The following RIMS1 variants were observed in gnomAD, a reference collection of about 807,000 sequenced individuals.
RIMS1 encodes regulating synaptic membrane exocytosis 1, also known as regulating synaptic membrane exocytosis protein 1.
Under a neutral mutation model 214.1 loss-of-function variants are expected in RIMS1, and 83 were observed. The ratio of observed to expected loss-of-function variants is 0.39; its 90% CI spans 0.32 to 0.47. RIMS1 has a LOEUF of 0.47. Ranked by LOEUF, RIMS1 falls within the 20% of genes least tolerant of loss-of-function variation. The pLI is 0.99. For synonymous variants in RIMS1, 793 were observed against 786.8 expected (o/e 1.01, Z -0.13); for missense variants, 2,050 against 2,161.8 (o/e 0.95, Z 1.03).
chr6:72,069,720 T>A (rs1052076455), intron 2 of RIMS1, among the ~76,000 whole-genome samples: 2 of 152,224 alleles, frequency 1.3e-5, no homozygotes, highest in Admixed American at 6.5e-5. Flanking sequence ...TTACAGTATC[T>A]TTGAGCGTAG....
rs528540151 is a variant in RIMS1 at position 72,117,542 on chromosome 6, T to C, written c.471+17556T>C. ...CAAGATAGACCAAAACAAGTCTAAATAAATTTAAGAAAATTGAAATCATAT... is the reference window on the plus strand; with the variant it reads ...CAAGATAGACCAAAACAAGTCTAAACAAATTTAAGAAAATTGAAATCATAT... On this transcript the variant is annotated intron_variant, in intron 4 of 33. Transcript: ENST00000521978. 2.6e-5 allele frequency among the ~76,000 whole-genome samples: 4 copies of C among 152,074 alleles called. No individual in the cohort carries two copies. In the South Asian group the frequency reaches 8.3e-4, roughly 32 times the overall value.
At chr6:71,973,947 C>G (rs1796526158) in intron 2 of RIMS1, among the ~76,000 whole-genome samples, 1 of 151,518 alleles carries the variant, frequency 6.6e-6, no homozygotes, top group African/African-American at 2.4e-5. Context: ...GTAGATAGAG[C>G]AAGGGGGCAC....
intron 2 of RIMS1, among the ~76,000 whole-genome samples, chr6:72,060,897 A>T (rs988627621): frequency 6.6e-6 from 1 of 152,048 alleles, no homozygotes; most frequent in Admixed American, 6.5e-5. Context: ...ACGTTTCCTT[A>T]TATTTATTTG....
intron 31 of RIMS1, among the ~76,000 whole-genome samples, chr6:72,396,644 A>G (rs2098781708): frequency 6.6e-6 from 1 of 152,230 alleles, no homozygotes; most frequent in South Asian, 2.1e-4. Context: ...CCTAGATCTC[A>G]ACACATCAAC....
In RIMS1 at chr6:72,182,962, G is replaced by A. The variant is rs1047425908; in HGVS notation, c.1491G>A (p.Arg497=). The change falls in exon 6 of 34, where the codon CGG becomes CGA. Residue 497 remains arginine, a synonymous_variant. Transcript: ENST00000521978. ...GCGAGAAGGTGGAGACCATGCTGCG[G>A]AACGACTCTTTGAGCTCAGACCAGT... The part of the protein sequence containing the change: ...AKREKVETML[R]NDSLSSDQSE... 6 of 1,593,564 alleles carry A rather than the reference G, an allele frequency of 3.8e-6. No homozygotes were observed. Among genetic ancestry groups the A allele is most frequent in the Non-Finnish European group, 4.3e-6 (5 of 1,171,196 alleles).
intron 6 of RIMS1, among the ~76,000 whole-genome samples, chr6:72,227,834 TTAA>T (rs1201289952): frequency 1.1e-4 from 16 of 151,990 alleles, no homozygotes; most frequent in African/African-American, 3.6e-4. Flanking sequence ...ATGAATCAAC[TTAA>T]TAATACTTCA....
At chr6:72,009,018 T>A (rs889628942) in intron 2 of RIMS1, among the ~76,000 whole-genome samples, 1 of 152,200 alleles carries the variant, frequency 6.6e-6, no homozygotes, top group Non-Finnish European at 1.5e-5. Flanking sequence ...CAACAGAATA[T>A]ACATTCTTCT....
intron 2 of RIMS1, among the ~76,000 whole-genome samples, chr6:72,085,189 T>C (rs1293703323): frequency 1.3e-5 from 2 of 152,174 alleles, no homozygotes; most frequent in African/African-American, 4.8e-5. Flanking sequence ...GAAAAAAGTA[T>C]ACTCATTTTA....
At chr6:72,315,144 T>C (rs944439621) in intron 28 of RIMS1, among the ~76,000 whole-genome samples, 1 of 152,156 alleles carries the variant, frequency 6.6e-6, no homozygotes, top group East Asian at 1.9e-4. Flanking sequence ...TAGTAGTGTA[T>C]TGGAACCAGT....
intron 2 of RIMS1, among the ~76,000 whole-genome samples, chr6:72,050,143 T>A (rs890709576): frequency 6.6e-6 from 1 of 152,208 alleles, no homozygotes; most frequent in South Asian, 2.1e-4. Context: ...GGGATGGATC[T>A]GGGCTGAGCG....
chr6:72,119,788 G>A (rs1162586653), intron 4 of RIMS1, among the ~76,000 whole-genome samples: 1 of 151,552 alleles, frequency 6.6e-6, no homozygotes, highest in African/African-American at 2.4e-5. Flanking sequence ...TTTCTTTAAT[G>A]CTATCCTTCC....
chr6:71,996,538 A>T (rs1031996702), intron 2 of RIMS1, among the ~76,000 whole-genome samples: 2 of 152,198 alleles, frequency 1.3e-5, no homozygotes, highest in African/African-American at 4.8e-5. Context: ...CCTAATTTGT[A>T]CTTTATTCCT....
At chr6:72,077,165 C>T (rs1319989969) in intron 2 of RIMS1, among the ~76,000 whole-genome samples, 1 of 152,182 alleles carries the variant, frequency 6.6e-6, no homozygotes, top group East Asian at 1.9e-4. Context: ...CAGGATCCCA[C>T]TCCTCACTCA....
Position 72,400,511 on chromosome 6 carries a change from G to T in RIMS1, c.4876G>T (p.Asp1626Tyr), listed in dbSNP as rs757984720. Residue 1626 changes from aspartate to tyrosine, a missense_variant, in exon 34 of 34, where the codon GAC becomes TAC. Physicochemically the swap from Asp to Tyr is radical, Grantham distance 160. This residue lies in a region of RIMS1 where 14 missense variants were observed against 52.9 expected (regional missense o/e 0.26). Transcript: ENST00000521978. Reference protein sequence around the residue: ...GKVLQVIVWGDYGRMDHKCFM... With the variant: ...GKVLQVIVWGYYGRMDHKCFM... ...ATCTCTGCAGGTGATTGTCTGGGGA[G>T]ACTATGGCAGAATGGACCACAAATG... The T allele has an allele frequency of 1.2e-6, 2 of 1,613,992 alleles. No homozygotes were observed. Among genetic ancestry groups the T allele is most frequent in the Non-Finnish European group, 1.7e-6 (2 of 1,179,888 alleles).
chr6:72,344,190 C>T (rs1184269454), intron 29 of RIMS1, among the ~76,000 whole-genome samples: 1 of 151,738 alleles, frequency 6.6e-6, no homozygotes, highest in Non-Finnish European at 1.5e-5. Context: ...GGAGAGCCTA[C>T]TTTATTTACC....
intron 6 of RIMS1, among the ~76,000 whole-genome samples, chr6:72,228,643 T>C (rs1422764914): frequency 6.6e-6 from 1 of 151,900 alleles, no homozygotes; most frequent in Non-Finnish European, 1.5e-5. Context: ...AGATATATCT[T>C]TGAGATTCTG....
intron 2 of RIMS1, among the ~76,000 whole-genome samples, chr6:72,017,254 C>T (rs576620184): frequency 2.6e-5 from 4 of 152,274 alleles, no homozygotes; most frequent in African/African-American, 9.6e-5. Flanking sequence ...ACTTAAATTT[C>T]ATTTTAATGG....
intron 4 of RIMS1, among the ~76,000 whole-genome samples, chr6:72,168,102 G>C (rs533697882): frequency 4.3e-4 from 65 of 152,118 alleles, no homozygotes; most frequent in Admixed American, 1.8e-3. Context: ...CAGTACAATG[G>C]GGATAGACAT....
In RIMS1 at chr6:72,153,264, A is replaced by C. The variant is rs115552366; in HGVS notation, c.472-26311A>C. ...AATTTACTTATATTCAAAATAAGAG[A>C]GTTGGACTGGTTGATTTTTTTTCAT... On this transcript the variant is annotated intron_variant, in intron 4 of 33. Coordinates refer to ENST00000521978, the MANE Select transcript of RIMS1 (RefSeq NM_014989.7). Among the ~76,000 whole-genome samples, 403 of 146,540 alleles carry C rather than the reference A, an allele frequency of 2.8e-3. 2 individuals carry two copies. The highest frequency in any genetic ancestry group is 9.5e-3 in the African/African-American group (393 of 41,168).
Sources: gnomAD v4.1 joint callset for allele counts (sites outside exome capture counted in the v4.1 genomes callset) on GRCh38, gnomAD v4.1.1 for gene constraint, gnomAD v4.1.1 regional missense constraint, MANE v1.5 for transcripts, NCBI Gene and HGNC (gene_info 2026-07-23, HGNC 2026-07-21) for gene names.